The following ZKSCAN4 variants were observed in gnomAD, a reference collection of about 807,000 sequenced individuals.
ZKSCAN4 encodes zinc finger protein with KRAB and SCAN domains 4.
In ZKSCAN4, 23 loss-of-function variants were observed where a neutral mutation model predicts 30.8. The ratio of observed to expected loss-of-function variants is 0.75; its 90% CI spans 0.54 to 1.06. ZKSCAN4 has a LOEUF of 1.06. ZKSCAN4 is among the 50% of genes least tolerant of loss of function. The pLI is 0.00. For synonymous variants in ZKSCAN4, 208 were observed against 252.5 expected (o/e 0.82, Z 1.67); for missense variants, 556 against 665.4 (o/e 0.84, Z 1.81).
intron 4 of ZKSCAN4, 35 bp from the exon 5 acceptor site, chr6:28,246,010 G>A (rs1415003221): frequency 6.2e-7 from 1 of 1,613,874 alleles, no homozygotes; most frequent in African/African-American, 1.3e-5. Context: ...TGTGGGTTAT[G>A]CCCTGCCATG....
chr6:28,251,489 C>T lies in ZKSCAN4; in HGVS notation c.423+69G>A, dbSNP rs1208608527. 1 of 1,612,936 alleles carries T rather than the reference C, an allele frequency of 6.2e-7. No homozygotes were observed. The highest frequency in any genetic ancestry group is 8.5e-7 in the Non-Finnish European group (1 of 1,179,386). On this transcript the variant is annotated intron_variant, in intron 1 of 4. Coordinates refer to ENST00000377294, the MANE Select transcript of ZKSCAN4 (RefSeq NM_019110.5). This position sits in a 1 kb window ranked among gnomAD's most constrained non-coding sequence, Gnocchi z 4.5. ...ACTCCTGGACCTTAAAGGAATGCCC[C>T]TCGCTCCGATCTGGGATTTCAGGAG...
Position 28,251,522 on chromosome 6 carries a change from A to G in ZKSCAN4, c.423+36T>C, listed in dbSNP as rs761083888. On this transcript the variant is annotated intron_variant, in intron 1 of 4. Transcript: ENST00000377294. The surrounding 1 kb of genome is among the most constrained non-coding windows in gnomAD (Gnocchi z 4.5). ...GATCTGGGATTTCAGGAGGAAACAG[A>G]CCACAGCGCTCAGATACTAAACCTG... is the stretch of plus-strand genomic sequence containing the variant. The G allele has an allele frequency of 7.4e-6, 12 of 1,614,080 alleles. No individual in the cohort carries two copies. Among genetic ancestry groups the G allele is most frequent in the Admixed American group, 1.7e-5 (1 of 60,002 alleles).
rs1352524774 is a variant in ZKSCAN4 at position 28,251,936 on chromosome 6, A to G, written c.45T>C (p.Ser15=). 3.3e-6 allele frequency: 5 copies of G among 1,525,084 alleles called. No homozygotes were observed. The highest frequency in any genetic ancestry group is 4.4e-6 in the Non-Finnish European group (5 of 1,141,682). 94.5% of individuals were successfully genotyped at this position (1,525,084 alleles called of 1,614,324 possible). A position where few individuals can be genotyped will look rare whatever the true frequency, so the allele number is the denominator to read the frequency against. The part of the protein sequence containing the change: ...PRKNAALDAQ[S]AEDQTGLLTV... ...TCAGGAGCCCCGTCTGGTCTTCTGC[A>G]GACTGGGCGTCCAGGGCTGCGTTTT... Residue 15 remains serine, a synonymous_variant, in exon 1 of 5, where the codon TCT becomes TCC. Transcript: ENST00000377294. The surrounding 1 kb of genome is among the most constrained non-coding windows in gnomAD (Gnocchi z 4.5).
In ZKSCAN4 at chr6:28,246,955, T is replaced by C. The variant is rs1384714558; in HGVS notation, c.778+14A>G. ...GCCAAGAAATCTTAAGACAAATTAG[T>C]GTCTCAGTCTTACCAAGGGAGACCA... On this transcript the variant is annotated intron_variant, in intron 4 of 4. Coordinates refer to ENST00000377294, the MANE Select transcript of ZKSCAN4 (RefSeq NM_019110.5). 6.3e-7 allele frequency: 1 copy of C among 1,597,168 alleles called. No homozygotes were observed. The highest frequency in any genetic ancestry group is 8.5e-7 in the Non-Finnish European group (1 of 1,173,360).
At position 28,243,959 on chromosome 6, in the gene ZKSCAN4, C is replaced by G. The variant is rs1760600388; in HGVS notation, c.*1157G>C. Among the ~76,000 whole-genome samples, 1 of 152,122 alleles carries G rather than the reference C, an allele frequency of 6.6e-6. No individual in the cohort carries two copies. Among genetic ancestry groups the G allele is most frequent in the African/African-American group, 2.4e-5 (1 of 41,408 alleles). On this transcript the variant is annotated 3_prime_UTR_variant, in exon 5 of 5. Transcript: ENST00000377294. The stretch of plus-strand genomic sequence containing the variant: ...GGATTACAGGTGTAAGCCATGGCAC[C>G]CAGCCTGAACAGATACATTTTCTCC...
chr6:28,252,119 T>G lies in ZKSCAN4; in HGVS notation c.-139A>C. 1.1e-6 allele frequency: 1 copy of G among 874,968 alleles called. No individual in the cohort carries two copies. The highest frequency in any genetic ancestry group is 1.7e-6 in the Non-Finnish European group (1 of 583,852). 54.2% of individuals were successfully genotyped at this position (874,968 alleles called of 1,614,324 possible). ...ATGCCCAGGGGCCCAGGACACCCCC[T>G]GAGGCGCAGCTGCACAGATCTCTCT... On this transcript the variant is annotated 5_prime_UTR_variant, in exon 1 of 5. Coordinates refer to ENST00000377294, the MANE Select transcript of ZKSCAN4 (RefSeq NM_019110.5).
At chr6:28,248,619 C>T (rs1760844682) in intron 2 of ZKSCAN4, among the ~76,000 whole-genome samples, 1 of 151,900 alleles carries the variant, frequency 6.6e-6, no homozygotes, top group African/African-American at 2.4e-5. Context: ...GCCTGAGTTC[C>T]GGAATTCGAG....
At chr6:28,247,230 TA>T in intron 3 of ZKSCAN4, 138 bp from the exon 4 acceptor site, 1 of 916,834 alleles carries the variant, frequency 1.1e-6, no homozygotes, top group Non-Finnish European at 1.5e-6. Context: ...TTATCTCTAA[TA>T]ACATCTTAAT....
At chr6:28,252,630 A>G (rs1761058219), upstream of ZKSCAN4, among the ~76,000 whole-genome samples, 3 of 152,022 alleles carry the variant, frequency 2.0e-5, no homozygotes. Flanking sequence ...AAGCAGCAGA[A>G]CACATCACCA....
In ZKSCAN4 at chr6:28,244,934, T is replaced by G. The variant is rs1390845119; in HGVS notation, c.*182A>C. 1 of 819,532 alleles carries G rather than the reference T, an allele frequency of 1.2e-6. No individual in the cohort carries two copies. The highest frequency in any genetic ancestry group is 1.7e-5 in the African/African-American group (1 of 59,084). 50.8% of individuals were successfully genotyped at this position (819,532 alleles called of 1,614,324 possible). A position where few individuals can be genotyped will look rare whatever the true frequency, so the allele number is the denominator to read the frequency against. Reference sequence around the variant, plus strand: ...CATGGCCTCTTATCAAATGACTTCTTCCAATCACTTTCTAGAATGTAGAAG... The same window carrying G: ...CATGGCCTCTTATCAAATGACTTCTGCCAATCACTTTCTAGAATGTAGAAG... On this transcript the variant is annotated 3_prime_UTR_variant, in exon 5 of 5. Coordinates refer to ENST00000377294, the MANE Select transcript of ZKSCAN4 (RefSeq NM_019110.5).
Position 28,249,966 on chromosome 6 carries a change from G to T in ZKSCAN4, c.424-132C>A. On this transcript the variant is annotated intron_variant, in intron 1 of 4. Transcript: ENST00000377294. This position sits in a 1 kb window ranked among gnomAD's most constrained non-coding sequence, Gnocchi z 4.1. ...CAATTAATATAGATAACAACCCTGT[G>T]AGCTATTATTTTGGATTTTTATGAT... The T allele has an allele frequency of 9.6e-7, 1 of 1,044,124 alleles. No homozygotes were observed. Among genetic ancestry groups the T allele is most frequent in the Non-Finnish European group, 1.4e-6 (1 of 735,042 alleles). 64.7% of individuals were successfully genotyped at this position (1,044,124 alleles called of 1,614,324 possible).
upstream of ZKSCAN4, among the ~76,000 whole-genome samples, chr6:28,252,991 T>G (rs1191514922): frequency 6.6e-6 from 1 of 152,196 alleles, no homozygotes; most frequent in East Asian, 1.9e-4. Context: ...AGGTTACCTG[T>G]GTAATCCTGG....
upstream of ZKSCAN4, among the ~76,000 whole-genome samples, chr6:28,256,841 C>T (rs1453400428): frequency 6.6e-6 from 1 of 152,072 alleles, no homozygotes; most frequent in African/African-American, 2.4e-5. Flanking sequence ...TTTTAATGGT[C>T]TGAGTGAGGA....
At chr6:28,246,890 C>T in intron 4 of ZKSCAN4, 79 bp downstream of exon 4, 2 of 1,441,582 alleles carry the variant, frequency 1.4e-6, no homozygotes, top group Non-Finnish European at 1.9e-6. Flanking sequence ...GGGGGCTTAA[C>T]AGCTTCTAAC....
upstream of ZKSCAN4, among the ~76,000 whole-genome samples, chr6:28,252,466 G>A (rs984289773): frequency 1.2e-4 from 18 of 152,122 alleles, no homozygotes; most frequent in African/African-American, 3.6e-4. Context: ...TTAAATCCTG[G>A]AAGGATGCCG....
chr6:28,253,490 C>G (rs1366897652), upstream of ZKSCAN4, among the ~76,000 whole-genome samples: 2 of 152,196 alleles, frequency 1.3e-5, no homozygotes, highest in Admixed American at 6.5e-5. This position sits in a 1 kb window ranked among gnomAD's most constrained non-coding sequence, Gnocchi z 4.2. Flanking sequence ...AGGTAGGGGG[C>G]ACTGCCCATG....
Position 28,249,012 on chromosome 6 carries a change from G to A in ZKSCAN4, c.571+675C>T, listed in dbSNP as rs1248007058. Among the ~76,000 whole-genome samples the A allele has an allele frequency of 6.6e-6, 1 of 152,102 alleles. No individual in the cohort carries two copies. Among genetic ancestry groups the A allele is most frequent in the African/African-American group, 2.4e-5 (1 of 41,398 alleles). On this transcript the variant is annotated intron_variant, in intron 2 of 4. Coordinates refer to ENST00000377294, the MANE Select transcript of ZKSCAN4 (RefSeq NM_019110.5). This position sits in a 1 kb window ranked among gnomAD's most constrained non-coding sequence, Gnocchi z 4.1. ...TTTGCAAGGGGCAGAAAATAAGTTGGTTTAGGCCAGAAACTCTGCTGAGAA... is the reference window on the plus strand; with the variant it reads ...TTTGCAAGGGGCAGAAAATAAGTTGATTTAGGCCAGAAACTCTGCTGAGAA...
intron 2 of ZKSCAN4, 119 bp from the exon 3 acceptor site, chr6:28,248,268 G>T: frequency 1.5e-6 from 1 of 681,938 alleles, no homozygotes; most frequent in Non-Finnish European, 2.5e-6. Context: ...TACAGAATGT[G>T]TTCCTTTCAA....
chr6:28,256,395 C>T (rs975057446), upstream of ZKSCAN4, among the ~76,000 whole-genome samples: 3 of 152,164 alleles, frequency 2.0e-5, no homozygotes, highest in African/African-American at 7.2e-5. Flanking sequence ...AGTACCACTC[C>T]ACTCTAGCAT....
Sources: allele counts gnomAD v4.1 joint callset (sites outside exome capture counted in the v4.1 genomes callset), GRCh38; gene constraint gnomAD v4.1.1; non-coding constraint Gnocchi (gnomAD v3.1); transcripts MANE v1.5; gene names NCBI Gene and HGNC (gene_info 2026-07-23, HGNC 2026-07-21).